ATG16L1: variants seen among roughly 807,000 people sequenced by gnomAD.
ATG16L1 encodes the protein autophagy-related protein 16-1.
A neutral mutation model predicts 88.5 loss-of-function variants in ATG16L1; 37 were observed. The observed-to-expected ratio is 0.42, with a 90% CI of 0.32 to 0.55. The LOEUF (loss-of-function observed/expected upper bound fraction) is 0.55. Among genes scored for constraint, ATG16L1 ranks in the 20% least tolerant of loss-of-function variants. The pLI is 0.13. For synonymous variants in ATG16L1, 301 were observed against 281.0 expected (o/e 1.07, Z -0.71); for missense variants, 554 against 752.8 (o/e 0.74, Z 3.09).
At chr2:233,252,848 G>T (rs1418715582) in intron 1 of ATG16L1, among the ~76,000 whole-genome samples, 1 of 152,152 alleles carries the variant, frequency 6.6e-6, no homozygotes, top group African/African-American at 2.4e-5. Context: ...TGGTCCTAAG[G>T]TGGTTCCATC....
At chr2:233,258,164 T>C (rs1371826975) in intron 2 of ATG16L1, among the ~76,000 whole-genome samples, 1 of 152,210 alleles carries the variant, frequency 6.6e-6, no homozygotes, top group Non-Finnish European at 1.5e-5. Flanking sequence ...GAAGTCTTAT[T>C]ATCCTCTTCT....
Position 233,251,677 on chromosome 2 carries a change from C to G in ATG16L1, c.-151C>G. On this transcript the variant is annotated 5_prime_UTR_variant, in exon 1 of 18. Coordinates refer to ENST00000392017, the MANE Select transcript of ATG16L1 (RefSeq NM_030803.7). ...TCATTTCCGGCATGAGCCGGAAGAC[C>G]GTCCCGGATGGCCTCGGGGACTGCC... is the stretch of plus-strand genomic sequence containing the variant. 1 of 664,016 alleles carries G rather than the reference C, an allele frequency of 1.5e-6. No individual in the cohort carries two copies. Among genetic ancestry groups the G allele is most frequent in the Non-Finnish European group, 2.6e-6 (1 of 385,844 alleles). The allele number at this position is 664,016 out of a possible 1,614,324, so 41.1% of individuals were successfully genotyped here. A position where few individuals can be genotyped will look rare whatever the true frequency, so the allele number is the denominator to read the frequency against.
intron 11 of ATG16L1, among the ~76,000 whole-genome samples, chr2:233,281,533 T>C (rs1473748680): frequency 6.6e-6 from 1 of 152,158 alleles, no homozygotes; most frequent in Non-Finnish European, 1.5e-5. Flanking sequence ...TGCAAAGCGT[T>C]GTGCTGAGTT....
chr2:233,263,286 G>A, intron 3 of ATG16L1, 51 bp downstream of exon 3: 13 of 1,538,990 alleles, frequency 8.4e-6, no homozygotes, highest in Non-Finnish European at 1.2e-5. Context: ...TGAGAGTCCT[G>A]TGGGGAGCGG....
chr2:233,275,693 C>A (rs1698301106), intron 9 of ATG16L1: 2 of 515,150 alleles, frequency 3.9e-6, no homozygotes, highest in Non-Finnish European at 7.8e-6. Context: ...CCACTCCACT[C>A]CTGTGATTCC....
chr2:233,292,451 C>T lies in ATG16L1; in HGVS notation c.1628+17C>T. On this transcript the variant is annotated intron_variant, in intron 16 of 17. Coordinates refer to ENST00000392017, the MANE Select transcript of ATG16L1 (RefSeq NM_030803.7). ...TGTCTTCAGGTTAGTAGTGACCCAC[C>T]CCCCGCCAATTTGGTTCATCACAAA... The T allele has an allele frequency of 6.2e-7, 1 of 1,612,142 alleles. No homozygotes were observed. The highest frequency in any genetic ancestry group is 1.7e-5 in the Admixed American group (1 of 60,008).
At chr2:233,268,124 C>T (rs1331542394) in intron 5 of ATG16L1, among the ~76,000 whole-genome samples, 2 of 152,162 alleles carry the variant, frequency 1.3e-5, no homozygotes, top group Non-Finnish European at 2.9e-5. Context: ...CTTATGCTGC[C>T]ACGTGTCCCT....
chr2:233,255,785 A>G (rs971270793), intron 1 of ATG16L1, among the ~76,000 whole-genome samples: 1 of 152,226 alleles, frequency 6.6e-6, no homozygotes, highest in African/African-American at 2.4e-5. Flanking sequence ...TCCCTGACCT[A>G]AAAAGTAATT....
At chr2:233,293,461 C>A in intron 17 of ATG16L1, 104 bp downstream of exon 17, 1 of 1,058,598 alleles carries the variant, frequency 9.4e-7, no homozygotes, top group Non-Finnish European at 1.4e-6. Context: ...TGTGAGGGCA[C>A]TGTCCGCCCA....
intron 6 of ATG16L1, 54 bp from the exon 7 acceptor site, chr2:233,272,912 A>C (rs758122516): frequency 1.6e-5 from 24 of 1,504,470 alleles, no homozygotes; most frequent in Non-Finnish European, 2.2e-5. Flanking sequence ...TGCGGAACCG[A>C]TTAATCACAG....
chr2:233,293,224 GACA>G, intron 16 of ATG16L1, 29 bp from the exon 17 acceptor site: 1 of 1,594,264 alleles, frequency 6.3e-7, no homozygotes, highest in Non-Finnish European at 8.6e-7. Context: ...GTGGGGAATT[GACA>G]ACCTTTCTTT....
At chr2:233,266,129 A>G (rs1697558662) in intron 5 of ATG16L1, 1 of 152,170 alleles carries the variant, frequency 6.6e-6, no homozygotes, top group Non-Finnish European at 1.5e-5. Flanking sequence ...ATGAGCTGAA[A>G]AGCTGTTAAC....
At chr2:233,291,831 A>G (rs545000611) in intron 14 of ATG16L1, among the ~76,000 whole-genome samples, 1 of 152,240 alleles carries the variant, frequency 6.6e-6, no homozygotes, top group Non-Finnish European at 1.5e-5. Context: ...CGAATTGGGT[A>G]GTAGCCCTAG....
At chr2:233,279,525 G>A (rs185789062) in intron 10 of ATG16L1, among the ~76,000 whole-genome samples, 11 of 152,282 alleles carry the variant, frequency 7.2e-5, no homozygotes, top group African/African-American at 2.4e-4. Context: ...ACAAACAGCT[G>A]TTTCAGTCTA....
chr2:233,264,884 G>A lies in ATG16L1; in HGVS notation c.390-8G>A, dbSNP rs1157716022. The A allele has an allele frequency of 1.2e-6, 2 of 1,613,490 alleles. No individual in the cohort carries two copies. Among genetic ancestry groups the A allele is most frequent in the Admixed American group, 3.3e-5 (2 of 60,000 alleles). ...GGTACTATTCGTCCTCTGATGTCATGCTTCCAGAATTGCAGAATGTTTGCA... is the reference window on the plus strand; with the variant it reads ...GGTACTATTCGTCCTCTGATGTCATACTTCCAGAATTGCAGAATGTTTGCA... On this transcript the variant is annotated splice_polypyrimidine_tract_variant and splice_region_variant and intron_variant, in intron 4 of 17. Transcript: ENST00000392017.
rs547525014 is a variant in ATG16L1, at chr2:233,251,701, C to T, written c.-127C>T. 5.3e-5 allele frequency: 43 copies of T among 818,622 alleles called. No homozygotes were observed. The African/African-American group carries it at 6.1e-4, about 12-fold the overall frequency. 50.7% of individuals were successfully genotyped at this position (818,622 alleles called of 1,614,324 possible). A position where few individuals can be genotyped will look rare whatever the true frequency, so the allele number is the denominator to read the frequency against. On this transcript the variant is annotated 5_prime_UTR_variant, in exon 1 of 18. Transcript: ENST00000392017. ...CCGTCCCGGATGGCCTCGGGGACTG[C>T]CAGTGTGTGGAGGTGAGCTCCGGGA...
In ATG16L1 at chr2:233,282,724, A is replaced by T; in HGVS notation, c.1174A>T (p.Ile392Phe). 1 of 1,614,132 alleles carries T rather than the reference A, an allele frequency of 6.2e-7. No individual in the cohort carries two copies. Among genetic ancestry groups the T allele is most frequent in the Non-Finnish European group, 8.5e-7 (1 of 1,179,986 alleles). ...AGCTTCAAATGATTTTGCAAGCCGA[A>T]TCTGGACTGTGGATGATTATCGATT... ...LAASNDFASR[I>F]WTVDDYRLRH... Residue 392 changes from isoleucine (I) to phenylalanine (F), a missense_variant, in exon 12 of 18, where the codon ATC becomes TTC. Coordinates refer to ENST00000392017, the MANE Select transcript of ATG16L1 (RefSeq NM_030803.7).
chr2:233,279,754 C>A (rs1387507827), intron 10 of ATG16L1, among the ~76,000 whole-genome samples: 1 of 151,976 alleles, frequency 6.6e-6, no homozygotes, highest in Non-Finnish European at 1.5e-5. Context: ...CATAGCACCC[C>A]CCGCCCCCAA....
intron 12 of ATG16L1, among the ~76,000 whole-genome samples, chr2:233,287,232 C>T (rs1461622553): frequency 6.6e-6 from 1 of 152,140 alleles, no homozygotes; most frequent in African/African-American, 2.4e-5. Context: ...AACCCCAAAG[C>T]CCATGAATTT....
Sources: allele counts gnomAD v4.1 joint callset (sites outside exome capture counted in the v4.1 genomes callset), GRCh38; gene constraint gnomAD v4.1.1; transcripts MANE v1.5; gene names NCBI Gene and HGNC (gene_info 2026-07-23, HGNC 2026-07-21).